The following NCAM1 variants were observed in gnomAD, a reference collection of about 807,000 sequenced individuals.
NCAM1 encodes antigen recognized by monoclonal antibody 5.1H11.
A neutral mutation model predicts 109.8 loss-of-function variants in NCAM1; 14 were observed. That is an observed-to-expected ratio of 0.13 (90% confidence interval 0.08 to 0.20). The LOEUF is 0.20. Among genes scored for constraint, NCAM1 ranks in the 10% least tolerant of loss-of-function variants. The pLI, the probability that NCAM1 is intolerant of heterozygous loss-of-function variation, is 1.00. For synonymous variants in NCAM1, 418 were observed against 442.9 expected, an observed-to-expected ratio of 0.94 and a Z score of 0.70; for missense variants, 774 against 1,109.9, an observed-to-expected ratio of 0.70 and a Z score of 4.30.
At chr11:113,173,591 G>GATATATATATAT (rs5794851) in intron 1 of NCAM1, among the ~76,000 whole-genome samples, 164 of 126,652 alleles carry the variant, frequency 1.3e-3, no homozygotes, top group Non-Finnish European at 1.7e-3. Context: ...CATGTTACCT[G>GATATATATATAT]ATATATATAT....
At chr11:113,138,841 A>G (rs569244316) in intron 1 of NCAM1, among the ~76,000 whole-genome samples, 2 of 152,306 alleles carry the variant, frequency 1.3e-5, no homozygotes, top group Admixed American at 6.5e-5. Flanking sequence ...ATTTCTTAAC[A>G]TCATACAGTT....
At chr11:113,184,961 T>G (rs1478868385) in intron 1 of NCAM1, among the ~76,000 whole-genome samples, 1 of 151,828 alleles carries the variant, frequency 6.6e-6, no homozygotes, top group Non-Finnish European at 1.5e-5. Flanking sequence ...TGTACTAGTC[T>G]GGGTTCTCCA....
In NCAM1 at chr11:112,964,161, T is replaced by TTTG. The variant is rs1950664673; in HGVS notation, c.52+2499_52+2500insGTT. On this transcript the variant is annotated intron_variant, in intron 1 of 19. Transcript: ENST00000316851. ...TTTTGTTTTTTTTTTTTTTGTTTTTTTTTTGGACTCAAATGTAGCATGTCC... is the reference window on the plus strand; with the variant it reads ...TTTTGTTTTTTTTTTTTTTGTTTTTTTTGTTTTGGACTCAAATGTAGCATGTCC... Among the ~76,000 whole-genome samples the TTTG allele has an allele frequency of 1.5e-4, 16 of 106,024 alleles. No homozygotes were observed. In the South Asian group the frequency reaches 4.5e-3, roughly 30 times the overall value. The allele number at this position is 106,024 out of a possible 152,430, so 69.6% of individuals were successfully genotyped here.
At chr11:113,062,226 T>A (rs1321508503) in intron 1 of NCAM1, among the ~76,000 whole-genome samples, 2 of 152,212 alleles carry the variant, frequency 1.3e-5, no homozygotes, top group East Asian at 3.9e-4. Flanking sequence ...AAGGAAACCT[T>A]GTACCCATTA....
Position 113,231,440 on chromosome 11 carries a change from C to T in NCAM1, c.1090-205C>T, listed in dbSNP as rs1591440737. The T allele has an allele frequency of 1.4e-5, 13 of 924,160 alleles. No homozygotes were observed. The East Asian group carries it at 3.2e-4, about 23-fold the overall frequency. 57.2% of individuals were successfully genotyped at this position (924,160 alleles called of 1,614,324 possible). A position where few individuals can be genotyped will look rare whatever the true frequency, so the allele number is the denominator to read the frequency against. On this transcript the variant is annotated intron_variant, in intron 9 of 19. Transcript: ENST00000316851. Reference sequence around the variant, plus strand: ...GTCTCATTTTCTGTTTCGGATACTCCCAGGTTCTCATGCTGCTTCCCAGTG... The same window carrying T: ...GTCTCATTTTCTGTTTCGGATACTCTCAGGTTCTCATGCTGCTTCCCAGTG...
At chr11:113,186,746 C>T (rs1343854193) in intron 1 of NCAM1, among the ~76,000 whole-genome samples, 2 of 152,198 alleles carry the variant, frequency 1.3e-5, no homozygotes. Flanking sequence ...TGTGTCCCAG[C>T]CCTCTGGCAG....
intron 1 of NCAM1, among the ~76,000 whole-genome samples, chr11:113,099,482 C>T (rs1271115924): frequency 6.6e-6 from 1 of 152,150 alleles, no homozygotes; most frequent in Non-Finnish European, 1.5e-5. Context: ...CTAGAATAAA[C>T]TCATTGTTTA....
chr11:113,174,339 C>T (rs1943085013), intron 1 of NCAM1, among the ~76,000 whole-genome samples: 1 of 152,156 alleles, frequency 6.6e-6, no homozygotes, highest in South Asian at 2.1e-4. Flanking sequence ...CGACAAACAC[C>T]AGGTATTTCT....
In NCAM1 at chr11:113,213,822, C is replaced by A. The variant is rs1944453810; in HGVS notation, c.917-547C>A. 1.3e-5 allele frequency among the ~76,000 whole-genome samples: 2 copies of A among 152,200 alleles called. 1 individual carries two copies. Among genetic ancestry groups the A allele is most frequent in the Admixed American group, 1.3e-4 (2 of 15,274 alleles). Reference sequence around the variant, plus strand: ...GCTTCCTGAAATGTCCCTAGATTAACCTTCTTGAAATACAAATGCTTTTGT... The same window carrying A: ...GCTTCCTGAAATGTCCCTAGATTAAACTTCTTGAAATACAAATGCTTTTGT... On this transcript the variant is annotated intron_variant, in intron 7 of 19. Coordinates refer to ENST00000316851, the MANE Select transcript of NCAM1 (RefSeq NM_181351.5).
rs374188281 is a variant in NCAM1, at chr11:113,231,254, G to T, written c.1090-391G>T. 398 of 1,536,138 alleles carry T rather than the reference G, an allele frequency of 2.6e-4. 1 individual carries two copies. The African/African-American group carries it at 5.0e-3, about 19-fold the overall frequency. ...CAGAAAGGACAGGCTGGCAGTGCAG[G>T]TTTCCCAGGATCTCATGAGGTAGGG... On this transcript the variant is annotated intron_variant, in intron 9 of 19. Coordinates refer to ENST00000316851, the MANE Select transcript of NCAM1 (RefSeq NM_181351.5).
intron 1 of NCAM1, among the ~76,000 whole-genome samples, chr11:112,986,506 T>C (rs1951309620): frequency 1.3e-5 from 2 of 152,114 alleles, no homozygotes; most frequent in South Asian, 4.1e-4. Context: ...TATTTAAATG[T>C]TTGGTAGAAT....
intron 1 of NCAM1, among the ~76,000 whole-genome samples, chr11:113,058,161 G>A (rs1180737705): frequency 6.6e-6 from 1 of 152,086 alleles, no homozygotes; most frequent in Non-Finnish European, 1.5e-5. Context: ...ATGGGTGCCT[G>A]TAATCCCAGC....
At chr11:113,143,196 A>C (rs1186826912) in intron 1 of NCAM1, among the ~76,000 whole-genome samples, 3 of 152,220 alleles carry the variant, frequency 2.0e-5, no homozygotes, top group African/African-American at 7.2e-5. Context: ...TTTTTCCCCA[A>C]ACTAGGATTC....
At chr11:113,022,847 A>G (rs185879349) in intron 1 of NCAM1, among the ~76,000 whole-genome samples, 41 of 152,230 alleles carry the variant, frequency 2.7e-4, no homozygotes, top group African/African-American at 9.6e-4. Flanking sequence ...CATGGCTGCT[A>G]CACTCCAGTC....
chr11:113,088,267 A>G (rs1174730760), intron 1 of NCAM1, among the ~76,000 whole-genome samples: 3 of 152,220 alleles, frequency 2.0e-5, no homozygotes, highest in Non-Finnish European at 4.4e-5. Flanking sequence ...TCAGCAATTC[A>G]CAAAGGAATT....
rs1555122233 is a variant in NCAM1, at chr11:113,255,967, C to T, written c.1919C>T (p.Ser640Phe). ...CTGATCAAGCAGGATGACGGCGGCT[C>T]CCCCATCAGACACTATCTGGTCAGG... ...VNLIKQDDGG[S>F]PIRHYLVRYR... Residue 640 changes from serine to phenylalanine, a missense_variant, in exon 16 of 20, where the codon TCC becomes TTC. By Grantham distance (155) the Ser-to-Phe change is radical. Coordinates refer to ENST00000316851, the MANE Select transcript of NCAM1 (RefSeq NM_181351.5). The T allele has an allele frequency of 6.2e-7, 1 of 1,605,046 alleles. No homozygotes were observed. Among genetic ancestry groups the T allele is most frequent in the Non-Finnish European group, 8.5e-7 (1 of 1,175,940 alleles).
chr11:112,970,779 T>C lies in NCAM1; in HGVS notation c.52+9115T>C, dbSNP rs575418649. Among the ~76,000 whole-genome samples, 18 of 152,280 alleles carry C rather than the reference T, an allele frequency of 1.2e-4. No individual in the cohort carries two copies. In the East Asian group the frequency reaches 3.3e-3, roughly 28 times the overall value. On this transcript the variant is annotated intron_variant, in intron 1 of 19. Transcript: ENST00000316851. ...TTGTTTGATTAAAGAAACCCAACTA[T>C]GATATATTTTCTAAAGCAGGAAATT...
chr11:112,992,023 A>G (rs1555070650), intron 1 of NCAM1, among the ~76,000 whole-genome samples: 1 of 152,106 alleles, frequency 6.6e-6, no homozygotes, highest in Non-Finnish European at 1.5e-5. Flanking sequence ...ATTCTATTGT[A>G]ATTATGAATA....
intron 1 of NCAM1, among the ~76,000 whole-genome samples, chr11:113,156,981 G>A (rs1555103536): frequency 1.3e-5 from 2 of 152,146 alleles, no homozygotes; most frequent in African/African-American, 2.4e-5. Context: ...TGGGTGATTG[G>A]ATGTCCTGGG....
Sources: gnomAD v4.1 joint callset for allele counts (sites outside exome capture counted in the v4.1 genomes callset) on GRCh38, gnomAD v4.1.1 for gene constraint, MANE v1.5 for transcripts, NCBI Gene and HGNC (gene_info 2026-07-23, HGNC 2026-07-21) for gene names.